The following OPRM1 variants were observed in gnomAD, a reference collection of about 807,000 sequenced individuals.
The protein encoded by OPRM1 is opioid receptor mu 1.
In OPRM1, 27 loss-of-function variants were observed where a neutral mutation model predicts 31.8. The observed-to-expected ratio is 0.85, with a 90% CI of 0.63 to 1.17. The LOEUF (loss-of-function observed/expected upper bound fraction) is 1.17. Ranked by LOEUF, OPRM1 falls within the 50% of genes most tolerant of loss-of-function variation. OPRM1 has a pLI of 0.00. For missense variants in OPRM1, 536 were observed against 511.1 expected (o/e 1.05, Z -0.47); for synonymous variants, 196 against 189.9 (o/e 1.03, Z -0.26).
chr6:154,162,275 G>C (rs566351225), intron 3 of OPRM1, among the ~76,000 whole-genome samples: 1 of 152,270 alleles, frequency 6.6e-6, no homozygotes, highest in Non-Finnish European at 1.5e-5. Context: ...CATGTTTGCT[G>C]TTATTTCTTG....
At chr6:154,169,178 T>A (rs1439304476) in intron 3 of OPRM1, among the ~76,000 whole-genome samples, 1 of 151,906 alleles carries the variant, frequency 6.6e-6, no homozygotes, top group Non-Finnish European at 1.5e-5. Flanking sequence ...CTTGACAACA[T>A]GGTAAAACCC....
chr6:154,038,966 G>C (rs937350745), upstream of OPRM1: 1 of 566,440 alleles, frequency 1.8e-6, no homozygotes, highest in East Asian at 3.1e-5. Flanking sequence ...AATCAAAATT[G>C]GCAGTAGGGA....
At chr6:154,207,318 A>C (rs552737126) in intron 3 of OPRM1, among the ~76,000 whole-genome samples, 2 of 152,346 alleles carry the variant, frequency 1.3e-5, no homozygotes, top group Admixed American at 1.3e-4. Context: ...CATATGGCTT[A>C]CAATCATTTT....
intron 1 of OPRM1, among the ~76,000 whole-genome samples, chr6:154,013,076 A>G (rs1015702457): frequency 6.6e-6 from 1 of 152,172 alleles, no homozygotes; most frequent in Admixed American, 6.6e-5. Context: ...TTGTTTCATA[A>G]TATTTATTGC....
At chr6:154,050,367 G>A (rs1781946989) in intron 1 of OPRM1, among the ~76,000 whole-genome samples, 1 of 152,076 alleles carries the variant, frequency 6.6e-6, no homozygotes, top group South Asian at 2.1e-4. Context: ...ATAGATTAAT[G>A]GATAAAGAAA....
intron 3 of OPRM1, chr6:154,159,726 G>C: frequency 1.2e-6 from 1 of 831,884 alleles, no homozygotes; most frequent in South Asian, 1.6e-5. Context: ...ATGCTTGAAG[G>C]ACTGGGTTTC....
rs1797659111 is a variant in OPRM1 at position 154,127,501 on chromosome 6, A to G, written c.*8780A>G. 6.6e-6 allele frequency among the ~76,000 whole-genome samples: 1 copy of G among 152,158 alleles called. No homozygotes were observed. Among genetic ancestry groups the G allele is most frequent in the African/African-American group, 2.4e-5 (1 of 41,448 alleles). ...TTTACTTGTCCCTGAAATGTTTGTC[A>G]TCACACAGATACACGCTCAGGATAA... On this transcript the variant is annotated 3_prime_UTR_variant, in exon 4 of 4. Coordinates refer to ENST00000330432, the MANE Select transcript of OPRM1 (RefSeq NM_000914.5).
At chr6:154,150,949 C>T (rs1005638524) in intron 3 of OPRM1, among the ~76,000 whole-genome samples, 12 of 152,216 alleles carry the variant, frequency 7.9e-5, no homozygotes, top group Non-Finnish European at 7.3e-5. Flanking sequence ...TTCCTCTCTT[C>T]GATGCGTCAA....
chr6:154,108,031 A>C (rs764796567), intron 3 of OPRM1: 3 of 658,882 alleles, frequency 4.6e-6, no homozygotes, highest in South Asian at 1.8e-5. Context: ...AAGAAGACAG[A>C]AATCTGACTG....
intron 3 of OPRM1, among the ~76,000 whole-genome samples, chr6:154,228,731 T>G (rs1779468267): frequency 6.6e-6 from 1 of 151,794 alleles, no homozygotes; most frequent in Non-Finnish European, 1.5e-5. Flanking sequence ...CTTTAAACAC[T>G]CTGCTCTTGG....
intron 1 of OPRM1, among the ~76,000 whole-genome samples, chr6:154,059,646 TTTG>T (rs1483552704): frequency 2.0e-5 from 3 of 152,218 alleles, no homozygotes; most frequent in African/African-American, 7.2e-5. Flanking sequence ...GTCTGGTATT[TTTG>T]TTGTTGTTTG....
chr6:154,193,754 G>T (rs1289134019), intron 3 of OPRM1, among the ~76,000 whole-genome samples: 4 of 152,220 alleles, frequency 2.6e-5, no homozygotes, highest in Non-Finnish European at 5.9e-5. Flanking sequence ...AGACAAGGAG[G>T]AGAGGCCTGT....
At chr6:154,040,405 G>T (rs949317855) in intron 1 of OPRM1, among the ~76,000 whole-genome samples, 2 of 152,102 alleles carry the variant, frequency 1.3e-5, no homozygotes, top group Non-Finnish European at 2.9e-5. Flanking sequence ...CCCTGCCATA[G>T]CAGCCCTTAC....
At chr6:154,023,461 T>C (rs1778505357) in intron 1 of OPRM1, among the ~76,000 whole-genome samples, 1 of 152,186 alleles carries the variant, frequency 6.6e-6, no homozygotes, top group Non-Finnish European at 1.5e-5. Flanking sequence ...ATTCAGTCCT[T>C]AGAGTTTTCC....
intron 3 of OPRM1, among the ~76,000 whole-genome samples, chr6:154,229,346 G>GTTTTTTTTTTTTTTTTTTTTTTTTT (rs34462600): frequency 8.9e-6 from 1 of 112,680 alleles, no homozygotes; most frequent in African/African-American, 3.4e-5. Flanking sequence ...AAGTTTGCCG[G>GTTTTTTTTTTTTTTTTTTTTTTTTT]TTTTTTTTTT....
intron 3 of OPRM1, among the ~76,000 whole-genome samples, chr6:154,166,044 A>G (rs1799399109): frequency 6.6e-6 from 1 of 152,260 alleles, no homozygotes; most frequent in African/African-American, 2.4e-5. Flanking sequence ...GCTTGATCAC[A>G]GCCTTGTGAG....
chr6:154,222,191 T>C (rs950434741), intron 3 of OPRM1, among the ~76,000 whole-genome samples: 2 of 152,168 alleles, frequency 1.3e-5, no homozygotes, highest in African/African-American at 2.4e-5. Context: ...GCAGAAAACA[T>C]TGAAGATAAC....
chr6:154,109,786 CTCTCTCTGTGTGTGTGTGTGTG>C (rs980649721), intron 3 of OPRM1, among the ~76,000 whole-genome samples: 2 of 92,296 alleles, frequency 2.2e-5, no homozygotes, highest in African/African-American at 7.5e-5. Context: ...CTCTCTCTCT[CTCTCTCTGTGTGTGTGTGTGTG>C]TGTGTGTGTG....
At chr6:154,030,310 G>T (rs1316754855) in intron 1 of OPRM1, among the ~76,000 whole-genome samples, 2 of 152,184 alleles carry the variant, frequency 1.3e-5, no homozygotes, top group Non-Finnish European at 2.9e-5. Flanking sequence ...AAAAAGACAG[G>T]CATTGTGGGG....
Sources: allele counts gnomAD v4.1 joint callset (sites outside exome capture counted in the v4.1 genomes callset), GRCh38; gene constraint gnomAD v4.1.1; transcripts MANE v1.5; gene names NCBI Gene and HGNC (gene_info 2026-07-23, HGNC 2026-07-21).